Variants in NMT1 observed in about 807,000 individuals in gnomAD.
NMT1 encodes N-myristoyltransferase 1.
In NMT1, 12 loss-of-function variants were observed where a neutral mutation model predicts 63.4. The observed-to-expected ratio is 0.19, with a 90% confidence interval of 0.12 to 0.31. The LOEUF is 0.31. Ranked by LOEUF, NMT1 falls within the 10% of genes least tolerant of loss-of-function variation. NMT1 has a pLI of 1.00. For missense variants in NMT1, 432 were observed against 634.6 expected (o/e 0.68, Z 3.43); for synonymous variants, 228 against 234.3 (o/e 0.97, Z 0.25).
At chr17:45,094,479 C>A (rs1026787271) in intron 4 of NMT1, among the ~76,000 whole-genome samples, 2 of 146,186 alleles carry the variant, frequency 1.4e-5, no homozygotes, top group African/African-American at 5.1e-5. Context: ...GGTGACAGTG[C>A]GAGACTCTTT....
At chr17:45,066,668 C>T (rs960390307) in intron 1 of NMT1, among the ~76,000 whole-genome samples, 8 of 151,840 alleles carry the variant, frequency 5.3e-5, no homozygotes, top group East Asian at 1.9e-4. Context: ...TGTATGGGTG[C>T]GTCTCTTCAG....
In NMT1 at chr17:45,104,633, T is replaced by G; in HGVS notation, c.1333-226T>G. The G allele has an allele frequency of 7.2e-7, 1 of 1,394,324 alleles. No individual in the cohort carries two copies. 86.4% of individuals were successfully genotyped at this position (1,394,324 alleles called of 1,614,324 possible). ...CCGGCCTGGACACTGAGTACATATG[T>G]GTACACTCTGAGGGACACTGGGCAG... On this transcript the variant is annotated intron_variant, in intron 10 of 11. Transcript: ENST00000258960. This position sits in a 1 kb window ranked among gnomAD's most constrained non-coding sequence, Gnocchi z 4.2.
At chr17:45,066,347 G>A (rs372097744) in intron 1 of NMT1, among the ~76,000 whole-genome samples, 7 of 151,992 alleles carry the variant, frequency 4.6e-5, no homozygotes, top group African/African-American at 7.2e-5. Flanking sequence ...GAGCCACCAC[G>A]CCCGGCCAGT....
Position 45,070,540 on chromosome 17 carries a change from C to T in NMT1, c.131+9080C>T, listed in dbSNP as rs143731286. On this transcript the variant is annotated intron_variant, in intron 1 of 11. Coordinates refer to ENST00000258960, the MANE Select transcript of NMT1 (RefSeq NM_021079.5). ...TCACGCCATTCTCCTGCCTCAGCCT[C>T]CTGGGTAGCTGGGACTGTAGTCGCC... 1.9e-4 allele frequency among the ~76,000 whole-genome samples: 29 copies of T among 152,306 alleles called. No homozygotes were observed. In the East Asian group the frequency reaches 5.4e-3, roughly 28 times the overall value.
chr17:45,103,721 G>A lies in NMT1; in HGVS notation c.1177G>A (p.Glu393Lys), dbSNP rs748344051. The A allele has an allele frequency of 6.2e-7, 1 of 1,613,146 alleles. No homozygotes were observed. The part of the protein sequence containing the change: ...DTFVVENANG[E>K]VTDFLSFYTL... ...GCCTTCCCTTCAGAACGCAAACGGAGAGGTGACAGATTTCCTGAGCTTTTA... is the reference window on the plus strand; with the variant it reads ...GCCTTCCCTTCAGAACGCAAACGGAAAGGTGACAGATTTCCTGAGCTTTTA... Residue 393 changes from glutamate to lysine, a missense_variant, in exon 10 of 12, where the codon GAG becomes AAG. Glu to Lys is a moderately conservative substitution (Grantham distance 56). This residue lies in a region of NMT1 where 295 missense variants were observed against 489.7 expected (regional missense o/e 0.60). Transcript: ENST00000258960. This position sits in a 1 kb window ranked among gnomAD's most constrained non-coding sequence, Gnocchi z 4.8.
intron 8 of NMT1, 63 bp downstream of exon 8, chr17:45,099,576 G>A: frequency 8.2e-7 from 1 of 1,221,130 alleles, no homozygotes; most frequent in Non-Finnish European, 1.2e-6. Context: ...CTGGCTGTCA[G>A]CAGGAGAGAA....
In NMT1 at chr17:45,103,867, C is replaced by T. The variant is rs1057442373; in HGVS notation, c.1323C>T (p.Leu441=). The change falls in exon 10 of 12, where the codon CTC becomes CTT. Residue 441 remains leucine, a synonymous_variant. Coordinates refer to ENST00000258960, the MANE Select transcript of NMT1 (RefSeq NM_021079.5). This position sits in a 1 kb window ranked among gnomAD's most constrained non-coding sequence, Gnocchi z 4.8. ...LLDLMSDALV[L]AKMKGFDVFN... ...ACCTCATGAGCGACGCCCTTGTCCT[C>T]GCCAAAATGGTGAGGAGCAGACGGG... 2.6e-5 allele frequency: 42 copies of T among 1,613,858 alleles called. No homozygotes were observed. Among genetic ancestry groups the T allele is most frequent in the East Asian group, 1.1e-4 (5 of 44,884 alleles).
rs897173445 is a variant in NMT1 at position 45,108,405 on chromosome 17, C to G, written c.*2766C>G. 1 of 152,480 alleles carries G rather than the reference C, an allele frequency of 6.6e-6. No individual in the cohort carries two copies. Among genetic ancestry groups the G allele is most frequent in the African/African-American group, 2.4e-5 (1 of 41,458 alleles). 9.4% of individuals were successfully genotyped at this position (152,480 alleles called of 1,614,324 possible). ...TTGAAGGCCAGCCCACACCCAGCTA[C>G]TTTAACACCAGGTTTATGGAAAATG... On this transcript the variant is annotated 3_prime_UTR_variant, in exon 12 of 12. Coordinates refer to ENST00000258960, the MANE Select transcript of NMT1 (RefSeq NM_021079.5).
At position 45,103,895 on chromosome 17, in the gene NMT1, G is replaced by C. The variant is rs73316946; in HGVS notation, c.1332+19G>C. The C allele has an allele frequency of 2.0e-5, 32 of 1,612,302 alleles. No homozygotes were observed. The highest frequency in any genetic ancestry group is 1.6e-4 in the Middle Eastern group (1 of 6,062). On this transcript the variant is annotated intron_variant, in intron 10 of 11. Transcript: ENST00000258960. The surrounding 1 kb of genome is among the most constrained non-coding windows in gnomAD (Gnocchi z 4.8). ...CAAAATGGTGAGGAGCAGACGGGGG[G>C]GTCTCTGGAGATGTGCAGGGAAGAG...
Position 45,108,392 on chromosome 17 carries a change from C to T in NMT1, c.*2753C>T, listed in dbSNP as rs193078436. ...GCTTCTGTCTTATTTGAAGGCCAGCCCACACCCAGCTACTTTAACACCAGG... is the reference window on the plus strand; with the variant it reads ...GCTTCTGTCTTATTTGAAGGCCAGCTCACACCCAGCTACTTTAACACCAGG... On this transcript the variant is annotated 3_prime_UTR_variant, in exon 12 of 12. Transcript: ENST00000258960. 61 of 152,450 alleles carry T rather than the reference C, an allele frequency of 4.0e-4. No homozygotes were observed. Among genetic ancestry groups the T allele is most frequent in the African/African-American group, 1.2e-3 (51 of 41,558 alleles). The allele number at this position is 152,450 out of a possible 1,614,324, so 9.4% of individuals were successfully genotyped here.
At position 45,086,633 on chromosome 17, in the gene NMT1, G is replaced by T. The variant is rs1170526700; in HGVS notation, c.366G>T (p.Thr122=). 3.7e-6 allele frequency: 6 copies of T among 1,611,848 alleles called. No homozygotes were observed. The highest frequency in any genetic ancestry group is 5.1e-6 in the Non-Finnish European group (6 of 1,179,036). Residue 122 remains threonine, a synonymous_variant, in exon 3 of 12, where the codon ACG becomes ACT. Transcript: ENST00000258960. ...ASKRSYQFWD[T]QPVPKLGEVV... is the part of the protein sequence containing the mutation. ...AGCGAAGCTACCAGTTCTGGGATAC[G>T]CAGCCCGTCCCCAAGCTGGGTATGT...
chr17:45,084,983 G>A (rs576917017), intron 2 of NMT1, among the ~76,000 whole-genome samples: 3 of 151,958 alleles, frequency 2.0e-5, no homozygotes, highest in African/African-American at 7.2e-5. Context: ...GCTGGGTGTG[G>A]TGGCCTGTAA....
intron 1 of NMT1, among the ~76,000 whole-genome samples, chr17:45,078,144 G>C (rs1012586640): frequency 3.9e-5 from 6 of 152,170 alleles, no homozygotes; most frequent in African/African-American, 1.4e-4. Context: ...GGCAAGAGTG[G>C]ACAGCGTAAG....
At chr17:45,085,559 T>A (rs2054046380) in intron 2 of NMT1, among the ~76,000 whole-genome samples, 1 of 138,492 alleles carries the variant, frequency 7.2e-6, no homozygotes, top group Non-Finnish European at 1.5e-5. Flanking sequence ...AGACTATTGA[T>A]CACAAAGATT....
At chr17:45,099,271 G>A (rs976864449) in intron 7 of NMT1, 134 bp from the exon 8 acceptor site, 13 of 679,798 alleles carry the variant, frequency 1.9e-5, no homozygotes, top group Admixed American at 1.7e-4. Context: ...TGGAGAGCAG[G>A]GTGACACCAC....
chr17:45,100,418 T>G (rs1183759116), intron 8 of NMT1, among the ~76,000 whole-genome samples: 1 of 149,668 alleles, frequency 6.7e-6, no homozygotes, highest in Admixed American at 6.7e-5. Context: ...TATAAAAAAT[T>G]AGCCAGTCGT....
At chr17:45,062,836 G>A (rs1304725016) in intron 1 of NMT1, among the ~76,000 whole-genome samples, 1 of 152,174 alleles carries the variant, frequency 6.6e-6, no homozygotes, top group Admixed American at 6.5e-5. Flanking sequence ...AGTGAAGCAT[G>A]ACTGTATTTA....
chr17:45,087,793 G>A (rs1357136902), intron 3 of NMT1, among the ~76,000 whole-genome samples: 1 of 152,166 alleles, frequency 6.6e-6, no homozygotes, highest in African/African-American at 2.4e-5. Context: ...GAGGAGGGTG[G>A]GGCAGGGCCA....
rs541271277 is a variant in NMT1 at position 45,099,052 on chromosome 17, G to A, written c.885-353G>A. Reference sequence around the variant, plus strand: ...AAAAACACCAGGTGTGAAAGCAGAAGGGGAGGAGGGAGGAGGGTGAGTGCC... The same window carrying A: ...AAAAACACCAGGTGTGAAAGCAGAAAGGGAGGAGGGAGGAGGGTGAGTGCC... On this transcript the variant is annotated intron_variant, in intron 7 of 11. Transcript: ENST00000258960. Among the ~76,000 whole-genome samples, 7 of 152,324 alleles carry A rather than the reference G, an allele frequency of 4.6e-5. No homozygotes were observed. The South Asian group carries it at 1.4e-3, about 32-fold the overall frequency.
Sources: gnomAD v4.1 joint callset for allele counts (sites outside exome capture counted in the v4.1 genomes callset) on GRCh38, gnomAD v4.1.1 for gene constraint, gnomAD v4.1.1 regional missense constraint, Gnocchi (gnomAD v3.1) non-coding constraint, MANE v1.5 for transcripts, NCBI Gene and HGNC (gene_info 2026-07-23, HGNC 2026-07-21) for gene names.